The following CNTN4 variants were observed in gnomAD, a reference collection of about 807,000 sequenced individuals.
The protein encoded by CNTN4 is contactin 4.
CNTN4 carries 77 observed loss-of-function variants against 122.5 expected under a neutral mutation model. That is an observed-to-expected ratio of 0.63 (90% CI 0.52 to 0.76). The LOEUF is 0.76. Among genes scored for constraint, CNTN4 ranks in the 30% least tolerant of loss-of-function variants. The pLI is 0.00. For synonymous variants in CNTN4, 512 were observed against 447.0 expected (o/e 1.15, Z -1.83); for missense variants, 1,256 against 1,259.1 (o/e 1.00, Z 0.04).
intron 13 of CNTN4, among the ~76,000 whole-genome samples, chr3:2,939,293 G>C (rs1453430572): frequency 6.6e-6 from 1 of 152,098 alleles, no homozygotes; most frequent in Non-Finnish European, 1.5e-5. Flanking sequence ...GGTACATATA[G>C]TAGAATTATA....
At chr3:2,826,145 CT>C (rs2092983591) in intron 7 of CNTN4, among the ~76,000 whole-genome samples, 1 of 152,166 alleles carries the variant, frequency 6.6e-6, no homozygotes, top group Non-Finnish European at 1.5e-5. Context: ...AGAATGCGCC[CT>C]TTTATTTGTA....
chr3:2,638,924 T>C (rs1176077372), intron 4 of CNTN4, among the ~76,000 whole-genome samples: 3 of 152,226 alleles, frequency 2.0e-5, no homozygotes, highest in East Asian at 3.9e-4. Context: ...CCTTCCATGC[T>C]ACCATTCTGG....
At chr3:3,036,318 G>A (rs1376025278) in intron 17 of CNTN4, among the ~76,000 whole-genome samples, 5 of 152,078 alleles carry the variant, frequency 3.3e-5, no homozygotes, top group African/African-American at 1.2e-4. Context: ...GTTTCCTTCT[G>A]TAATCACTGA....
intron 2 of CNTN4, among the ~76,000 whole-genome samples, chr3:2,101,443 A>T (rs1468067110): frequency 6.6e-6 from 1 of 152,190 alleles, no homozygotes; most frequent in African/African-American, 2.4e-5. Context: ...CATTAGCTTC[A>T]ATCTCTCTTA....
intron 8 of CNTN4, among the ~76,000 whole-genome samples, chr3:2,879,227 G>A (rs1048111422): frequency 2.0e-5 from 3 of 152,134 alleles, no homozygotes; most frequent in Non-Finnish European, 4.4e-5. Flanking sequence ...CGTGACAACC[G>A]AGGCAGAGAT....
At chr3:2,779,375 T>C (rs1247039953) in intron 6 of CNTN4, among the ~76,000 whole-genome samples, 1 of 152,188 alleles carries the variant, frequency 6.6e-6, no homozygotes, top group Non-Finnish European at 1.5e-5. Flanking sequence ...AATTTTTTTA[T>C]TTTTGTAGAG....
intron 4 of CNTN4, among the ~76,000 whole-genome samples, chr3:2,623,982 G>A (rs938704741): frequency 3.9e-5 from 6 of 152,026 alleles, no homozygotes; most frequent in Admixed American, 1.3e-4. Flanking sequence ...AGATAATCAT[G>A]GAATTTTGAT....
rs528917435 is a variant in CNTN4 at position 2,800,704 on chromosome 3, T to C, written c.359-18782T>C. On this transcript the variant is annotated intron_variant, in intron 6 of 24. Coordinates refer to ENST00000418658, the MANE Select transcript of CNTN4 (RefSeq NM_175607.3). ...GACTCAGACTAGGAACTAAAGATCT[T>C]ATAGAGGTCCCCTCTCTGTCCCAAT... 7.2e-5 allele frequency among the ~76,000 whole-genome samples: 11 copies of C among 152,346 alleles called. No individual in the cohort carries two copies. The South Asian group carries it at 2.3e-3, about 32-fold the overall frequency.
At chr3:2,864,961 A>G (rs1275161489) in intron 7 of CNTN4, among the ~76,000 whole-genome samples, 6 of 152,020 alleles carry the variant, frequency 3.9e-5, no homozygotes, top group Non-Finnish European at 5.9e-5. Flanking sequence ...GGTTTGCTTG[A>G]AACTCACCTG....
intron 2 of CNTN4, among the ~76,000 whole-genome samples, chr3:2,164,231 GAAAA>G (rs796951467): frequency 1.3e-5 from 2 of 148,794 alleles, no homozygotes; most frequent in South Asian, 2.1e-4. Context: ...ATTGCTTGAG[GAAAA>G]AAAAAACAAC....
chr3:2,263,833 T>TCCAAAGGAATAAATTACATTCCTTTG (rs1463728676), intron 2 of CNTN4, among the ~76,000 whole-genome samples: 4 of 127,690 alleles, frequency 3.1e-5, no homozygotes, highest in East Asian at 2.0e-4. Flanking sequence ...TCTATCTCCC[T>TCCAAAGGAATAAATTACATTCCTTTG]GAAATCTACT....
intron 2 of CNTN4, among the ~76,000 whole-genome samples, chr3:2,203,485 G>C (rs923633088): frequency 2.0e-5 from 3 of 151,982 alleles, no homozygotes; most frequent in African/African-American, 4.8e-5. Context: ...GCTTAAAAAG[G>C]GAAAAGAAAG....
At chr3:2,903,871 T>G (rs1162135220) in intron 12 of CNTN4, among the ~76,000 whole-genome samples, 1 of 152,192 alleles carries the variant, frequency 6.6e-6, no homozygotes, top group African/African-American at 2.4e-5. Flanking sequence ...AAGCACATAG[T>G]ATGCACTCAA....
At chr3:2,412,969 A>G (rs1025780861) in intron 3 of CNTN4, among the ~76,000 whole-genome samples, 15 of 152,232 alleles carry the variant, frequency 9.9e-5, no homozygotes, top group Non-Finnish European at 1.5e-4. Context: ...CAGAGTAGAC[A>G]GTAAGCACTC....
intron 3 of CNTN4, among the ~76,000 whole-genome samples, chr3:2,442,023 C>CTATAATATTCTA (rs2048460662): frequency 6.6e-6 from 1 of 151,952 alleles, no homozygotes; most frequent in Non-Finnish European, 1.5e-5. Context: ...TATTCTATAA[C>CTATAATATTCTA]TAGTATTTAA....
chr3:2,361,006 T>C (rs2045111730), intron 3 of CNTN4, among the ~76,000 whole-genome samples: 1 of 152,190 alleles, frequency 6.6e-6, no homozygotes, highest in Non-Finnish European at 1.5e-5. Flanking sequence ...TCACTGTGGC[T>C]CTTTTGTGGG....
chr3:2,381,536 A>T (rs913965566), intron 3 of CNTN4, among the ~76,000 whole-genome samples: 1 of 152,176 alleles, frequency 6.6e-6, no homozygotes, highest in Non-Finnish European at 1.5e-5. Flanking sequence ...GCATTAATAA[A>T]TCTGAAGTCA....
intron 20 of CNTN4, chr3:3,040,499 T>C: frequency 1.8e-6 from 1 of 567,754 alleles, no homozygotes; most frequent in East Asian, 3.1e-5. Context: ...TTGATTCCAT[T>C]GCTAAGGACC....
chr3:2,451,237 T>G (rs2048818595), intron 3 of CNTN4, among the ~76,000 whole-genome samples: 1 of 152,206 alleles, frequency 6.6e-6, no homozygotes, highest in African/African-American at 2.4e-5. Flanking sequence ...TTAATTTTTA[T>G]TAATGTAATA....
Sources: gnomAD v4.1 joint callset for allele counts (sites outside exome capture counted in the v4.1 genomes callset) on GRCh38, gnomAD v4.1.1 for gene constraint, MANE v1.5 for transcripts, NCBI Gene and HGNC (gene_info 2026-07-23, HGNC 2026-07-21) for gene names.